PHF8: variants seen among roughly 807,000 people sequenced by gnomAD.
The protein encoded by PHF8 is PHD finger protein 8.
PHF8 carries 9 observed loss-of-function variants against 74.4 expected under a neutral mutation model. That is an observed-to-expected ratio of 0.12 (90% CI 0.07 to 0.21). The LOEUF (loss-of-function observed/expected upper bound fraction) is 0.21, where lower values mean the gene tolerates loss of function less well. Among genes scored for constraint, PHF8 ranks in the 10% least tolerant of loss-of-function variants. The pLI is 1.00. For synonymous variants in PHF8, 311 were observed against 316.6 expected (o/e 0.98, Z 0.19); for missense variants, 478 against 816.6 (o/e 0.59, Z 5.05).
intron 17 of PHF8, 43 bp downstream of exon 17, chrX:53,985,773 C>A (rs2065554329): frequency 8.3e-7 from 1 of 1,211,404 alleles, no homozygotes; most frequent in Non-Finnish European, 1.1e-6. Context: ...GCGGGGGTTG[C>A]TGTCTGATAG....
intron 18 of PHF8, among the ~76,000 whole-genome samples, chrX:53,973,988 G>A (rs1314907074): frequency 2.7e-5 from 3 of 111,184 alleles, no homozygotes; most frequent in Non-Finnish European, 3.8e-5. Context: ...AGCCGGGCGC[G>A]GTGGCTCACA....
chrX:53,963,936 G>A (rs782359768), intron 18 of PHF8, among the ~76,000 whole-genome samples: 1 of 111,886 alleles, frequency 8.9e-6, no homozygotes, highest in African/African-American at 3.2e-5. Flanking sequence ...ACATGCACAC[G>A]TATGTTTATT....
At chrX:54,039,611 A>T (rs2066519260) in intron 2 of PHF8, 2 of 112,364 alleles carry the variant, frequency 1.8e-5, no homozygotes, top group South Asian at 7.2e-4. Context: ...ATAAATGTCA[A>T]GTATCTACTA....
At chrX:54,038,005 C>T (rs2066491588) in intron 2 of PHF8, among the ~76,000 whole-genome samples, 1 of 112,473 alleles carries the variant, frequency 8.9e-6, no homozygotes, top group African/African-American at 3.2e-5. Flanking sequence ...TTCCCTTGGG[C>T]ATGTATCAAC....
intron 18 of PHF8, among the ~76,000 whole-genome samples, chrX:53,966,726 C>G (rs1476759407): frequency 9.1e-6 from 1 of 109,847 alleles, no homozygotes; most frequent in African/African-American, 3.3e-5. Flanking sequence ...CTCTGCCTGG[C>G]TGCCCAGTCT....
intron 8 of PHF8, among the ~76,000 whole-genome samples, chrX:54,007,621 T>C (rs782380156): frequency 1.8e-5 from 2 of 112,074 alleles, no homozygotes; most frequent in South Asian, 7.3e-4. Context: ...AAAAAAACTA[T>C]ACAAGTGTCC....
intron 17 of PHF8, 94 bp downstream of exon 17, chrX:53,985,722 T>C (rs782566111): frequency 1.7e-6 from 2 of 1,188,055 alleles, no homozygotes; most frequent in Non-Finnish European, 2.3e-6. Flanking sequence ...AATAGCTCTA[T>C]AAATATCTAC....
At chrX:53,960,080 T>G (rs899014729) in intron 19 of PHF8, among the ~76,000 whole-genome samples, 10 of 108,525 alleles carry the variant, frequency 9.2e-5, no homozygotes, top group Non-Finnish European at 1.9e-4. Flanking sequence ...CTATACTTTT[T>G]TGTGTGTGTG....
chrX:54,020,494 T>C (rs1434110918), intron 4 of PHF8, among the ~76,000 whole-genome samples: 2 of 111,713 alleles, frequency 1.8e-5, no homozygotes, highest in African/African-American at 6.5e-5. Context: ...TATGGATTGA[T>C]CTCAAATATA....
intron 2 of PHF8, among the ~76,000 whole-genome samples, chrX:54,035,219 T>C (rs1557113717): frequency 9.3e-6 from 1 of 107,616 alleles, no homozygotes; most frequent in East Asian, 3.0e-4. Context: ...TAGCCGGCTA[T>C]GGTGGACCAC....
intron 2 of PHF8, among the ~76,000 whole-genome samples, chrX:54,024,916 A>T (rs1043042070): frequency 2.7e-5 from 3 of 110,182 alleles, no homozygotes; most frequent in African/African-American, 9.9e-5. Context: ...TCGCTCTGTC[A>T]CCCAGGCTGG....
intron 20 of PHF8, among the ~76,000 whole-genome samples, chrX:53,942,278 T>C (rs976960272): frequency 8.9e-6 from 1 of 111,943 alleles, no homozygotes; most frequent in African/African-American, 3.2e-5. Context: ...CTATAGTACT[T>C]ACTCCATAAC....
At chrX:53,966,880 C>T (rs868937595) in intron 18 of PHF8, among the ~76,000 whole-genome samples, 15 of 109,600 alleles carry the variant, frequency 1.4e-4, no homozygotes, top group Non-Finnish European at 2.9e-4. Context: ...GCCTTTGCCC[C>T]GCCGCCCCGT....
chrX:53,991,947 CAG>C (rs2065672343), intron 14 of PHF8, among the ~76,000 whole-genome samples: 1 of 111,263 alleles, frequency 9.0e-6, no homozygotes, highest in Admixed American at 9.6e-5. Context: ...GGGAAGGTAA[CAG>C]GGAAAGAGAG....
chrX:53,947,717 T>C (rs187032828), intron 19 of PHF8, among the ~76,000 whole-genome samples: 15 of 112,468 alleles, frequency 1.3e-4, no homozygotes, highest in African/African-American at 3.9e-4. Flanking sequence ...TGACACTATA[T>C]GACTTTTGAG....
intron 14 of PHF8, among the ~76,000 whole-genome samples, chrX:53,989,048 C>T (rs944512982): frequency 5.5e-5 from 6 of 108,937 alleles, no homozygotes; most frequent in Non-Finnish European, 1.1e-4. Context: ...TAAAACCTCC[C>T]GCCTCCTAGG....
intron 18 of PHF8, among the ~76,000 whole-genome samples, chrX:53,965,293 A>G (rs1040920989): frequency 1.8e-5 from 2 of 112,291 alleles, no homozygotes; most frequent in African/African-American, 6.5e-5. Flanking sequence ...CAACCTGGCA[A>G]AAACTGTCAG....
chrX:54,009,792 G>A (rs371231639), intron 8 of PHF8, among the ~76,000 whole-genome samples: 58 of 92,413 alleles, frequency 6.3e-4, no homozygotes, highest in African/African-American at 2.2e-3. Context: ...GCAGTGAGCC[G>A]GGATCGCACC....
chrX:53,990,804 T>G (rs1189062567), intron 14 of PHF8, among the ~76,000 whole-genome samples: 1 of 111,632 alleles, frequency 9.0e-6, no homozygotes, highest in Non-Finnish European at 1.9e-5. Flanking sequence ...GTGTTCTGAG[T>G]ATCTAGAAAA....
Sources: allele counts gnomAD v4.1 joint callset (sites outside exome capture counted in the v4.1 genomes callset), GRCh38; gene constraint gnomAD v4.1.1; transcripts MANE v1.5; gene names NCBI Gene and HGNC (gene_info 2026-07-23, HGNC 2026-07-21).